Variants in MARCHF1 observed in about 807,000 individuals in gnomAD.
MARCHF1 encodes the protein membrane associated ring-CH-type finger 1, also known as E3 ubiquitin-protein ligase MARCHF1.
MARCHF1 carries 40 observed loss-of-function variants against 54.2 expected under a neutral mutation model. The observed-to-expected ratio is 0.74, with a 90% confidence interval of 0.57 to 0.96. The LOEUF is 0.96. Among genes scored for constraint, MARCHF1 ranks in the 40% least tolerant of loss-of-function variants. MARCHF1 has a pLI of 0.00. For synonymous variants in MARCHF1, 236 were observed against 236.3 expected (o/e 1.00, Z 0.01); for missense variants, 586 against 656.5 (o/e 0.89, Z 1.17).
chr4:163,762,120 C>T lies in MARCHF1; in HGVS notation c.112-61257G>A, dbSNP rs183359820. 2.0e-5 allele frequency among the ~76,000 whole-genome samples: 3 copies of T among 152,066 alleles called. No individual in the cohort carries two copies. The East Asian group carries it at 5.8e-4, about 29-fold the overall frequency. ...TATTGAAGTGACTCTCTGTATAATCCCAGGTTTGTTTGTTTCTTAAGTAAA... is the reference window on the plus strand; with the variant it reads ...TATTGAAGTGACTCTCTGTATAATCTCAGGTTTGTTTGTTTCTTAAGTAAA... On this transcript the variant is annotated intron_variant, in intron 4 of 9. Coordinates refer to ENST00000514618, the MANE Select transcript of MARCHF1 (RefSeq NM_001394959.1).
chr4:163,699,415 A>C (rs1744736679), intron 5 of MARCHF1, among the ~76,000 whole-genome samples: 1 of 152,190 alleles, frequency 6.6e-6, no homozygotes, highest in Admixed American at 6.5e-5. Flanking sequence ...ATGTTATCTG[A>C]CCATTGGCAT....
intron 2 of MARCHF1, among the ~76,000 whole-genome samples, chr4:164,021,854 C>CA (rs71777955): frequency 3.5e-4 from 48 of 137,824 alleles, no homozygotes; most frequent in African/African-American, 7.4e-4. Flanking sequence ...ACCTCCATGT[C>CA]AAAAAAAAAA....
chr4:163,950,638 G>GC (rs1256108216), intron 3 of MARCHF1, among the ~76,000 whole-genome samples: 1 of 152,164 alleles, frequency 6.6e-6, no homozygotes, highest in East Asian at 1.9e-4. Context: ...GGGGCATACA[G>GC]CCCCATCCAC....
intron 1 of MARCHF1, among the ~76,000 whole-genome samples, chr4:164,373,414 G>T (rs1731095626): frequency 1.4e-5 from 2 of 139,804 alleles, no homozygotes; most frequent in Non-Finnish European, 3.0e-5. Flanking sequence ...GAATACAATG[G>T]CACAATCTTG....
intron 8 of MARCHF1, among the ~76,000 whole-genome samples, chr4:163,572,670 A>G (rs533805150): frequency 6.6e-6 from 1 of 152,188 alleles, no homozygotes; most frequent in South Asian, 2.1e-4. Context: ...GGAATTCCTT[A>G]TAGTAGAAGC....
At chr4:163,533,828 T>A (rs13114202) in intron 9 of MARCHF1, among the ~76,000 whole-genome samples, 61,395 of 151,426 alleles carry the variant, frequency 0.41, 13,338 homozygotes, top group Admixed American at 0.54. Context: ...TGGTAATGTA[T>A]GCATGATATA....
chr4:164,169,370 G>A (rs910776235), intron 1 of MARCHF1, among the ~76,000 whole-genome samples: 1 of 152,006 alleles, frequency 6.6e-6, no homozygotes, highest in Non-Finnish European at 1.5e-5. Flanking sequence ...CATGTTAGGT[G>A]AGCTTGTTCA....
intron 1 of MARCHF1, among the ~76,000 whole-genome samples, chr4:164,242,933 G>A (rs1417970924): frequency 2.9e-5 from 4 of 140,074 alleles, no homozygotes; most frequent in African/African-American, 8.0e-5. Context: ...AGAGAAAAAA[G>A]AATAAAAAGA....
chr4:164,343,063 C>G (rs535272799), intron 1 of MARCHF1, among the ~76,000 whole-genome samples: 55 of 152,056 alleles, frequency 3.6e-4, no homozygotes, highest in Non-Finnish European at 5.9e-4. Flanking sequence ...ATCTAACGTA[C>G]AGCTTGATGT....
intron 5 of MARCHF1, among the ~76,000 whole-genome samples, chr4:163,684,521 T>G (rs551075381): frequency 6.6e-6 from 1 of 152,242 alleles, no homozygotes; most frequent in Non-Finnish European, 1.5e-5. Flanking sequence ...AAGCTAGAAA[T>G]TCCTTCATAA....
chr4:163,570,262 T>C (rs1418178576), intron 8 of MARCHF1, among the ~76,000 whole-genome samples: 1 of 152,104 alleles, frequency 6.6e-6, no homozygotes, highest in Non-Finnish European at 1.5e-5. Flanking sequence ...GATTCAATGC[T>C]AAATACTGAT....
intron 2 of MARCHF1, among the ~76,000 whole-genome samples, chr4:163,989,135 G>A (rs888551454): frequency 6.6e-5 from 10 of 152,112 alleles, no homozygotes; most frequent in Non-Finnish European, 1.0e-4. Context: ...ATAAGCAGAC[G>A]GCTGAAAAGC....
intron 1 of MARCHF1, among the ~76,000 whole-genome samples, chr4:164,157,649 C>T (rs1730113176): frequency 6.6e-6 from 1 of 152,116 alleles, no homozygotes; most frequent in Non-Finnish European, 1.5e-5. Flanking sequence ...TAATTCTTGA[C>T]TTGGATCTGT....
intron 1 of MARCHF1, among the ~76,000 whole-genome samples, chr4:164,224,329 A>C (rs1442920195): frequency 6.6e-6 from 1 of 151,890 alleles, no homozygotes; most frequent in Non-Finnish European, 1.5e-5. Flanking sequence ...TCGTCTTCCA[A>C]TGTGGCCAAG....
chr4:163,632,022 T>C (rs1162415907), intron 5 of MARCHF1, among the ~76,000 whole-genome samples: 1 of 151,972 alleles, frequency 6.6e-6, no homozygotes, highest in African/African-American at 2.4e-5. Flanking sequence ...GAAATGCAAA[T>C]CAAAACCACA....
intron 1 of MARCHF1, among the ~76,000 whole-genome samples, chr4:164,259,850 G>C (rs144132984): frequency 4.4e-4 from 67 of 152,238 alleles, no homozygotes; most frequent in African/African-American, 1.5e-3. Flanking sequence ...ATTTGCAGTT[G>C]TCTTTCTGCA....
intron 1 of MARCHF1, among the ~76,000 whole-genome samples, chr4:164,142,319 C>G (rs1238197676): frequency 6.6e-6 from 1 of 152,132 alleles, no homozygotes; most frequent in East Asian, 1.9e-4. Flanking sequence ...TGGAGCCCAC[C>G]ACAGCTCAAG....
intron 4 of MARCHF1, among the ~76,000 whole-genome samples, chr4:163,843,007 C>A (rs1252758246): frequency 6.6e-6 from 1 of 152,052 alleles, no homozygotes; most frequent in South Asian, 2.1e-4. Context: ...CAACCTATGT[C>A]CCCCTGCCCT....
intron 1 of MARCHF1, among the ~76,000 whole-genome samples, chr4:164,259,192 C>T (rs1466875783): frequency 6.6e-6 from 1 of 152,036 alleles, no homozygotes; most frequent in Non-Finnish European, 1.5e-5. Flanking sequence ...TTCATTCCAT[C>T]CCTGCACATC....
Sources: gnomAD v4.1 joint callset for allele counts (sites outside exome capture counted in the v4.1 genomes callset) on GRCh38, gnomAD v4.1.1 for gene constraint, MANE v1.5 for transcripts, NCBI Gene and HGNC (gene_info 2026-07-23, HGNC 2026-07-21) for gene names.